The following EPHX2 variants were observed in gnomAD, a reference collection of about 807,000 sequenced individuals.
The protein encoded by EPHX2 is epoxide hydrolase 2.
A neutral mutation model predicts 78.7 loss-of-function variants in EPHX2; 74 were observed. That is an observed-to-expected ratio of 0.94 (90% CI 0.78 to 1.14). EPHX2 has a LOEUF of 1.14. Among genes scored for constraint, EPHX2 ranks in the 50% most tolerant of loss-of-function variants. The pLI is 0.00. For missense variants in EPHX2, 715 were observed against 702.5 expected, an observed-to-expected ratio of 1.02 and a Z score of -0.20; for synonymous variants, 251 against 255.2, an observed-to-expected ratio of 0.98 and a Z score of 0.16.
At chr8:27,543,881 C>A in intron 17 of EPHX2, 52 bp downstream of exon 17, 1 of 1,582,584 alleles carries the variant, frequency 6.3e-7, no homozygotes, top group Non-Finnish European at 8.7e-7. Flanking sequence ...GGAGAGGGCA[C>A]GGGTGCTCAG....
At chr8:27,542,342 C>G (rs1472896950) in intron 16 of EPHX2, among the ~76,000 whole-genome samples, 4 of 152,120 alleles carry the variant, frequency 2.6e-5, no homozygotes, top group Non-Finnish European at 5.9e-5. Context: ...CTGTGTGACC[C>G]TGGGAAAGGT....
Position 27,544,240 on chromosome 8 carries a change from G to T in EPHX2, c.1585G>T (p.Asp529Tyr). The T allele has an allele frequency of 6.2e-7, 1 of 1,614,190 alleles. No individual in the cohort carries two copies. Among genetic ancestry groups the T allele is most frequent in the South Asian group, 1.1e-5 (1 of 91,084 alleles). The change falls in exon 18 of 19, where the codon GAC becomes TAC. Residue 529 changes from aspartate (D) to tyrosine (Y), a missense_variant. Asp to Tyr is a radical substitution (Grantham distance 160, BLOSUM62 -3). Transcript: ENST00000521400. The part of the protein sequence containing the change: ...IEDCGHWTQM[D>Y]KPTEVNQILI... ...GGACTGTGGGCACTGGACACAGATG[G>T]ACAAGTAAGGAGGTTGGGGGCTCCT...
intron 9 of EPHX2, among the ~76,000 whole-genome samples, chr8:27,520,247 C>T (rs1319252663): frequency 2.6e-5 from 4 of 151,412 alleles, no homozygotes; most frequent in Non-Finnish European, 2.9e-5. Flanking sequence ...CTCACTGCAA[C>T]CTCCGCCTCC....
intron 6 of EPHX2, among the ~76,000 whole-genome samples, chr8:27,513,779 C>A (rs1446155150): frequency 6.6e-6 from 1 of 152,146 alleles, no homozygotes; most frequent in East Asian, 1.9e-4. Context: ...TGATAAAGCT[C>A]AAGAGTGAGC....
intron 12 of EPHX2, among the ~76,000 whole-genome samples, chr8:27,525,676 G>A (rs1814818194): frequency 6.6e-6 from 1 of 152,088 alleles, no homozygotes; most frequent in African/African-American, 2.4e-5. Context: ...TGTGTGTTCG[G>A]GTGGTGAAGG....
chr8:27,522,242 A>G (rs1185485089), intron 10 of EPHX2, among the ~76,000 whole-genome samples, 181 bp from the exon 11 acceptor site: 2 of 152,064 alleles, frequency 1.3e-5, no homozygotes, highest in Admixed American at 6.5e-5. Flanking sequence ...AAGGCTGGCT[A>G]TTTGTGTTGA....
rs72475807 is a variant in EPHX2, at chr8:27,503,404, G to T, written c.187-200G>T. Reference sequence around the variant, plus strand: ...TTAGTGGGCATTTGGGTCGTTTCTGGTTTGGGACTCCTAGGAAGAGTATAG... The same window carrying T: ...TTAGTGGGCATTTGGGTCGTTTCTGTTTTGGGACTCCTAGGAAGAGTATAG... On this transcript the variant is annotated intron_variant, in intron 2 of 18. Coordinates refer to ENST00000521400, the MANE Select transcript of EPHX2 (RefSeq NM_001979.6). Among the ~76,000 whole-genome samples, 97 of 152,232 alleles carry T rather than the reference G, an allele frequency of 6.4e-4. 2 individuals carry two copies. The East Asian group carries it at 0.018, about 29-fold the overall frequency.
At chr8:27,546,380 A>G (rs1585230336), downstream of EPHX2, among the ~76,000 whole-genome samples, 1 of 152,212 alleles carries the variant, frequency 6.6e-6, no homozygotes, top group East Asian at 1.9e-4. Flanking sequence ...AGTATCAGCT[A>G]TAAGATTTCC....
chr8:27,525,001 G>T (rs1345649539), intron 11 of EPHX2, among the ~76,000 whole-genome samples: 1 of 151,226 alleles, frequency 6.6e-6, no homozygotes, highest in Non-Finnish European at 1.5e-5. Context: ...AAAAATGAAT[G>T]TATATTTTAA....
At chr8:27,539,815 T>A (rs919957635) in intron 14 of EPHX2, among the ~76,000 whole-genome samples, 1 of 152,146 alleles carries the variant, frequency 6.6e-6, no homozygotes, top group Non-Finnish European at 1.5e-5. Context: ...CAGGGTGACA[T>A]CCTCATCACA....
chr8:27,525,099 TGTGTGTGTGC>T lies in EPHX2; in HGVS notation c.1059-261_1059-252del, dbSNP rs1490588587. Among the ~76,000 whole-genome samples the T allele has an allele frequency of 1.1e-3, 150 of 136,242 alleles. 3 individuals are homozygous for T. The Middle Eastern group carries it at 0.023, about 21-fold the overall frequency. The allele number at this position is 136,242 out of a possible 152,430, so 89.4% of individuals were successfully genotyped here. Reference sequence around the variant, plus strand: ...GTGTGTGTGTGTGTGTGTGTGTGTGTGTGTGTGTGCGCGCGCGCGCGCGCACCTATGTGTC... The same window carrying T: ...GTGTGTGTGTGTGTGTGTGTGTGTGTGCGCGCGCGCGCGCACCTATGTGTC... On this transcript the variant is annotated intron_variant, in intron 11 of 18. Transcript: ENST00000521400.
rs1384953745 is a variant in EPHX2, at chr8:27,521,054, GA to G, written c.972+149del. 7 of 852,058 alleles carry G rather than the reference GA, an allele frequency of 8.2e-6. No individual in the cohort carries two copies. In the African/African-American group the frequency reaches 1.2e-4, roughly 14 times the overall value. The allele number at this position is 852,058 out of a possible 1,614,324, so 52.8% of individuals were successfully genotyped here. A position where few individuals can be genotyped will look rare whatever the true frequency, so the allele number is the denominator to read the frequency against. The stretch of plus-strand genomic sequence containing the variant: ...TTAGGGCAGAGTGGGCATGGGCAGG[GA>G]AAATCACAAAAACAATGACAAAGAG... On this transcript the variant is annotated intron_variant, in intron 10 of 18. Coordinates refer to ENST00000521400, the MANE Select transcript of EPHX2 (RefSeq NM_001979.6).
At chr8:27,519,419 G>A (rs532310669) in intron 9 of EPHX2, among the ~76,000 whole-genome samples, 4 of 152,228 alleles carry the variant, frequency 2.6e-5, no homozygotes, top group African/African-American at 4.8e-5. Flanking sequence ...AGGGTGGAAC[G>A]AGCCTCTCAC....
In EPHX2 at chr8:27,515,740, T is replaced by C; in HGVS notation, c.758T>C (p.Val253Ala). ...CAGCCCAGGGTCCGTCTGCATTTTG[T>C]GGAGCTGGGCTCCGGCCCTGCTGTG... is the stretch of plus-strand genomic sequence containing the variant. ...TVKPRVRLHF[V>A]ELGSGPAVCL... The change falls in exon 7 of 19, where the codon GTG becomes GCG. Residue 253 changes from valine (V) to alanine (A), a missense_variant. Val to Ala is a moderately conservative substitution (Grantham distance 64, BLOSUM62 0). Coordinates refer to ENST00000521400, the MANE Select transcript of EPHX2 (RefSeq NM_001979.6). 2 of 1,614,078 alleles carry C rather than the reference T, an allele frequency of 1.2e-6. No homozygotes were observed. Among genetic ancestry groups the C allele is most frequent in the Non-Finnish European group, 1.7e-6 (2 of 1,180,022 alleles).
chr8:27,500,830 A>T, intron 1 of EPHX2, 96 bp from the exon 2 acceptor site: 2 of 1,125,266 alleles, frequency 1.8e-6, no homozygotes, highest in South Asian at 1.4e-5. Context: ...ATCCCTTTCT[A>T]GTGGCTGCTT....
intron 12 of EPHX2, among the ~76,000 whole-genome samples, chr8:27,529,450 C>T (rs1814958296): frequency 6.6e-6 from 1 of 152,194 alleles, no homozygotes; most frequent in Non-Finnish European, 1.5e-5. Flanking sequence ...GCCCCCCATA[C>T]CAGAACGTAC....
intron 10 of EPHX2, 26 bp downstream of exon 10, chr8:27,520,935 C>A (rs200454429): frequency 1.9e-6 from 3 of 1,613,546 alleles, no homozygotes; most frequent in African/African-American, 1.3e-5. Context: ...GAACTGATAT[C>A]TTTGGAGAAT....
chr8:27,544,226 A>G lies in EPHX2; in HGVS notation c.1571A>G (p.His524Arg), dbSNP rs1431300892. The change falls in exon 18 of 19, where the codon CAC becomes CGC. Residue 524 changes from histidine (H) to arginine (R), a missense_variant. His to Arg is a conservative substitution (Grantham distance 29). Coordinates refer to ENST00000521400, the MANE Select transcript of EPHX2 (RefSeq NM_001979.6). ...LKRGHIEDCG[H>R]WTQMDKPTEV... ...AGGGGACACATTGAGGACTGTGGGC[A>G]CTGGACACAGATGGACAAGTAAGGA... 6.2e-7 allele frequency: 1 copy of G among 1,614,062 alleles called. No homozygotes were observed.
intron 6 of EPHX2, 36 bp downstream of exon 6, chr8:27,511,946 C>G (rs1814266351): frequency 1.2e-6 from 2 of 1,604,442 alleles, no homozygotes; most frequent in Non-Finnish European, 1.7e-6. Flanking sequence ...GCTAAGTGCT[C>G]TCCCACCAGG....
Sources: allele counts gnomAD v4.1 joint callset (sites outside exome capture counted in the v4.1 genomes callset), GRCh38; gene constraint gnomAD v4.1.1; transcripts MANE v1.5; gene names NCBI Gene and HGNC (gene_info 2026-07-23, HGNC 2026-07-21).